The following SLC5A3 variants were observed in gnomAD, a reference collection of about 807,000 sequenced individuals.
SLC5A3 encodes the protein sodium/myo-inositol cotransporter.
SLC5A3 carries 10 observed loss-of-function variants against 43.2 expected under a neutral mutation model. That is an observed-to-expected ratio of 0.23 (90% CI 0.14 to 0.39). SLC5A3 has a LOEUF of 0.39. Ranked by LOEUF, SLC5A3 falls within the 10% of genes least tolerant of loss-of-function variation. The probability of loss-of-function intolerance (pLI) is 1.00; values close to 1 mark genes in which losing one functional copy is unlikely to be tolerated. For missense variants in SLC5A3, 608 were observed against 893.4 expected (o/e 0.68, Z 4.07); for synonymous variants, 349 against 322.0 (o/e 1.08, Z -0.90).
intron 1 of SLC5A3, among the ~76,000 whole-genome samples, chr21:34,074,577 C>T (rs1024024325): frequency 6.6e-6 from 1 of 152,244 alleles, no homozygotes; most frequent in African/African-American, 2.4e-5. Flanking sequence ...AGGCAGCTCA[C>T]TTCGTCCTCT....
At position 34,096,024 on chromosome 21, in the gene SLC5A3, T is replaced by G; in HGVS notation, c.826T>G (p.Trp276Gly). The change falls in exon 2 of 2, where the codon TGG (tryptophan) becomes GGG (glycine). Residue 276 changes from tryptophan (W) to glycine (G), a missense_variant. By Grantham distance (184) the Trp-to-Gly change is radical. Transcript: ENST00000381151. This position sits in a 1 kb window ranked among gnomAD's most constrained non-coding sequence, Gnocchi z 5.9. ...LGQTPASVWY[W>G]CADQVIVQRV... Reference sequence around the variant, plus strand: ...GCAGACCCCAGCTTCAGTATGGTACTGGTGTGCTGACCAAGTCATCGTGCA... The same window carrying G: ...GCAGACCCCAGCTTCAGTATGGTACGGGTGTGCTGACCAAGTCATCGTGCA... 6.2e-7 allele frequency: 1 copy of G among 1,614,174 alleles called. No individual in the cohort carries two copies.
Position 34,100,987 on chromosome 21 carries a change from T to C in SLC5A3, c.*3632T>C. ...TCCTGGCTCATTTTCATCAGAGGCATGATGACTGGAAAGGGATCACATGGG... is the reference window on the plus strand; with the variant it reads ...TCCTGGCTCATTTTCATCAGAGGCACGATGACTGGAAAGGGATCACATGGG... On this transcript the variant is annotated 3_prime_UTR_variant, in exon 2 of 2. Coordinates refer to ENST00000381151, the MANE Select transcript of SLC5A3 (RefSeq NM_006933.7). 1 of 1,000,158 alleles carries C rather than the reference T, an allele frequency of 1.0e-6. No individual in the cohort carries two copies. Among genetic ancestry groups the C allele is most frequent in the South Asian group, 4.7e-5 (1 of 21,282 alleles). The allele number at this position is 1,000,158 out of a possible 1,614,324, so 62.0% of individuals were successfully genotyped here.
rs926695423 is a variant in SLC5A3, at chr21:34,073,615, C to T, written c.-467C>T. ...TGGGAGCCGTCCGGCGCAGCAGTTT[C>T]TAGGTCCCCACTGTCCCCGCCGTCC... On this transcript the variant is annotated 5_prime_UTR_variant, in exon 1 of 2. Coordinates refer to ENST00000381151, the MANE Select transcript of SLC5A3 (RefSeq NM_006933.7). The T allele has an allele frequency of 1.2e-5, 15 of 1,226,504 alleles. No individual in the cohort carries two copies. The highest frequency in any genetic ancestry group is 1.6e-5 in the African/African-American group (1 of 62,638). 76.0% of individuals were successfully genotyped at this position (1,226,504 alleles called of 1,614,324 possible). A position where few individuals can be genotyped will look rare whatever the true frequency, so the allele number is the denominator to read the frequency against.
chr21:34,090,542 C>T (rs2898203), intron 1 of SLC5A3, among the ~76,000 whole-genome samples: 152,379 of 152,380 alleles, frequency 1, 76,189 homozygotes, highest in Non-Finnish European at 1. Flanking sequence ...TTTATCTAAT[C>T]TTTCTATATA....
intron 1 of SLC5A3, among the ~76,000 whole-genome samples, chr21:34,092,899 A>G (rs1443958412): frequency 6.6e-6 from 1 of 152,182 alleles, no homozygotes; most frequent in Non-Finnish European, 1.5e-5. Context: ...AATTGAAACA[A>G]GTGGCCTGAG....
intron 1 of SLC5A3, among the ~76,000 whole-genome samples, chr21:34,092,980 T>G (rs1447582909): frequency 6.6e-6 from 1 of 152,194 alleles, no homozygotes; most frequent in Non-Finnish European, 1.5e-5. Flanking sequence ...ACAGCAGTTT[T>G]CATTGTAATT....
chr21:34,077,059 C>T (rs1014928322), intron 1 of SLC5A3, among the ~76,000 whole-genome samples: 1 of 152,120 alleles, frequency 6.6e-6, no homozygotes, highest in East Asian at 1.9e-4. Context: ...TCCACCCTGC[C>T]CCCCCTGCAA....
chr21:34,100,082 T>G lies in SLC5A3; in HGVS notation c.*2727T>G, dbSNP rs534772206. The G allele has an allele frequency of 1.2e-4, 119 of 998,426 alleles. No individual in the cohort carries two copies. The highest frequency in any genetic ancestry group is 1.3e-4 in the Non-Finnish European group (109 of 828,476). The allele number at this position is 998,426 out of a possible 1,614,324, so 61.8% of individuals were successfully genotyped here. A position where few individuals can be genotyped will look rare whatever the true frequency, so the allele number is the denominator to read the frequency against. ...GTCTTTAGACATTAACATGTGTATATTTTTATATTAGCTCAAGCTAAGGTT... is the reference window on the plus strand; with the variant it reads ...GTCTTTAGACATTAACATGTGTATAGTTTTATATTAGCTCAAGCTAAGGTT... On this transcript the variant is annotated 3_prime_UTR_variant, in exon 2 of 2. Coordinates refer to ENST00000381151, the MANE Select transcript of SLC5A3 (RefSeq NM_006933.7).
rs1000362222 is a variant in SLC5A3, at chr21:34,099,044, A to G, written c.*1689A>G. On this transcript the variant is annotated 3_prime_UTR_variant, in exon 2 of 2. Transcript: ENST00000381151. ...AACTAGTTTCATTATGATGGACTTGATTAGTCCAAAGTTAATTTTAGAAAT... is the reference window on the plus strand; with the variant it reads ...AACTAGTTTCATTATGATGGACTTGGTTAGTCCAAAGTTAATTTTAGAAAT... 6.1e-6 allele frequency: 6 copies of G among 990,970 alleles called. No individual in the cohort carries two copies. In the African/African-American group the frequency reaches 7.0e-5, roughly 12 times the overall value. The allele number at this position is 990,970 out of a possible 1,614,324, so 61.4% of individuals were successfully genotyped here. A position where few individuals can be genotyped will look rare whatever the true frequency, so the allele number is the denominator to read the frequency against.
chr21:34,079,187 G>A (rs1367239991), intron 1 of SLC5A3, among the ~76,000 whole-genome samples: 2 of 152,186 alleles, frequency 1.3e-5, no homozygotes, highest in African/African-American at 4.8e-5. Flanking sequence ...AGTTGAATAG[G>A]TGGGGAAAAA....
Position 34,105,557 on chromosome 21 carries a change from G to T in SLC5A3, c.*8202G>T. On this transcript the variant is annotated 3_prime_UTR_variant, in exon 2 of 2. Coordinates refer to ENST00000381151, the MANE Select transcript of SLC5A3 (RefSeq NM_006933.7). Reference sequence around the variant, plus strand: ...TTCTTCCCAGTGTCCTGCTTATGATGCTTTGTTCAGATTTTTTGTAAGAGA... The same window carrying T: ...TTCTTCCCAGTGTCCTGCTTATGATTCTTTGTTCAGATTTTTTGTAAGAGA... 1.0e-6 allele frequency: 1 copy of T among 999,768 alleles called. No homozygotes were observed. Among genetic ancestry groups the T allele is most frequent in the Non-Finnish European group, 1.2e-6 (1 of 829,626 alleles). 61.9% of individuals were successfully genotyped at this position (999,768 alleles called of 1,614,324 possible). A position where few individuals can be genotyped will look rare whatever the true frequency, so the allele number is the denominator to read the frequency against.
chr21:34,085,007 C>G (rs1030304606), intron 1 of SLC5A3, among the ~76,000 whole-genome samples: 6 of 152,184 alleles, frequency 3.9e-5, no homozygotes, highest in Non-Finnish European at 7.4e-5. Context: ...CTAACCACAA[C>G]ATAGTCATCA....
chr21:34,093,236 A>T (rs1017424650), intron 1 of SLC5A3, among the ~76,000 whole-genome samples: 2 of 150,206 alleles, frequency 1.3e-5, no homozygotes, highest in Non-Finnish European at 3.0e-5. Context: ...TCAACTTTTA[A>T]GATTTTTTTT....
At chr21:34,077,020 C>T (rs142705153) in intron 1 of SLC5A3, among the ~76,000 whole-genome samples, 1 of 152,156 alleles carries the variant, frequency 6.6e-6, no homozygotes, top group Admixed American at 6.5e-5. Context: ...AAATGGATTG[C>T]CTGTGAGATG....
intron 1 of SLC5A3, among the ~76,000 whole-genome samples, chr21:34,087,093 G>A (rs146677078): frequency 3.3e-5 from 5 of 152,336 alleles, no homozygotes; most frequent in Admixed American, 2.0e-4. Context: ...TAGGTGGTAG[G>A]TTGAGGGAGA....
chr21:34,084,293 G>A (rs560971688), intron 1 of SLC5A3, among the ~76,000 whole-genome samples: 2 of 152,230 alleles, frequency 1.3e-5, no homozygotes, highest in South Asian at 4.1e-4. Context: ...CTTGTGCTTA[G>A]GTTTTCTGCC....
In SLC5A3 at chr21:34,099,801, G is replaced by A. The variant is rs16991197; in HGVS notation, c.*2446G>A. The A allele has an allele frequency of 5.7e-3, 4,306 of 760,896 alleles. 161 individuals carry two copies. The African/African-American group carries it at 0.075, about 13-fold the overall frequency. 47.1% of individuals were successfully genotyped at this position (760,896 alleles called of 1,614,324 possible). On this transcript the variant is annotated 3_prime_UTR_variant, in exon 2 of 2. Transcript: ENST00000381151. ...GACTATTAGCATATTCATTAGAATT[G>A]TTTATTCTTGCCAGTATAAACATCA...
At chr21:34,076,996 G>C (rs942693329) in intron 1 of SLC5A3, among the ~76,000 whole-genome samples, 2 of 152,160 alleles carry the variant, frequency 1.3e-5, no homozygotes, top group African/African-American at 4.8e-5. Flanking sequence ...GAAGACCTCT[G>C]ACAATGGAAA....
chr21:34,091,014 T>C (rs897004386), intron 1 of SLC5A3, among the ~76,000 whole-genome samples: 3 of 61,410 alleles, frequency 4.9e-5, no homozygotes, highest in African/African-American at 1.4e-4. Flanking sequence ...ACAAAAGTGA[T>C]TGTAATTCAG....
Sources: gnomAD v4.1 joint callset for allele counts (sites outside exome capture counted in the v4.1 genomes callset) on GRCh38, gnomAD v4.1.1 for gene constraint, Gnocchi (gnomAD v3.1) non-coding constraint, MANE v1.5 for transcripts, NCBI Gene and HGNC (gene_info 2026-07-23, HGNC 2026-07-21) for gene names.